ZNF385D: variants seen among roughly 807,000 people sequenced by gnomAD.
ZNF385D encodes the protein zinc finger protein 385D, also known as zinc finger protein 659.
In ZNF385D, 15 loss-of-function variants were observed where a neutral mutation model predicts 35.8. That is an observed-to-expected ratio of 0.42 (90% CI 0.28 to 0.64). The LOEUF (loss-of-function observed/expected upper bound fraction) is 0.64. Ranked by LOEUF, ZNF385D falls within the 30% of genes least tolerant of loss-of-function variation. ZNF385D has a pLI of 0.23. For synonymous variants in ZNF385D, 212 were observed against 186.8 expected, an observed-to-expected ratio of 1.13 and a Z score of -1.10; for missense variants, 474 against 494.6, an observed-to-expected ratio of 0.96 and a Z score of 0.39.
intron 5 of ZNF385D, 26 bp from the exon 6 acceptor site, chr3:21,425,696 A>G (rs760981940): frequency 6.8e-7 from 1 of 1,477,818 alleles, no homozygotes; most frequent in Non-Finnish European, 9.1e-7. Context: ...AAATGAAGGA[A>G]GGAAAGGAGG....
intron 2 of ZNF385D, among the ~76,000 whole-genome samples, chr3:22,215,937 C>T (rs112832957): frequency 5.9e-5 from 9 of 152,062 alleles, no homozygotes; most frequent in South Asian, 2.1e-4. Context: ...TAGAAAAGAA[C>T]GTATGTGAAA....
At chr3:21,907,030 A>G (rs928570680) in intron 3 of ZNF385D, among the ~76,000 whole-genome samples, 3 of 152,154 alleles carry the variant, frequency 2.0e-5, no homozygotes, top group African/African-American at 7.2e-5. Context: ...CCATGTCAAT[A>G]TCACTTTCTA....
chr3:22,048,092 G>A (rs914226056), intron 3 of ZNF385D, among the ~76,000 whole-genome samples: 2 of 151,882 alleles, frequency 1.3e-5, no homozygotes, highest in East Asian at 1.9e-4. Flanking sequence ...CAGGTTATTT[G>A]TTTACTTACT....
At chr3:21,433,866 G>A (rs1039184066) in intron 5 of ZNF385D, among the ~76,000 whole-genome samples, 1 of 152,030 alleles carries the variant, frequency 6.6e-6, no homozygotes, top group Admixed American at 6.6e-5. Flanking sequence ...TACTTATCTT[G>A]TAATTGACAC....
intron 4 of ZNF385D, among the ~76,000 whole-genome samples, chr3:21,497,491 A>G (rs1313299662): frequency 1.3e-5 from 2 of 152,228 alleles, no homozygotes; most frequent in African/African-American, 2.4e-5. Context: ...GATAGATTCA[A>G]TGCTATTCCT....
chr3:22,135,351 T>C (rs1704042423), intron 3 of ZNF385D, among the ~76,000 whole-genome samples: 1 of 150,748 alleles, frequency 6.6e-6, no homozygotes, highest in East Asian at 1.9e-4. Flanking sequence ...CATACACACA[T>C]AACTTATTTT....
chr3:22,031,089 C>T (rs1215942666), intron 3 of ZNF385D, among the ~76,000 whole-genome samples: 2 of 152,224 alleles, frequency 1.3e-5, no homozygotes, highest in Non-Finnish European at 1.5e-5. Flanking sequence ...AGCAGCTCTG[C>T]CCCTGTGGCT....
At chr3:21,434,522 G>A (rs1236259502) in intron 5 of ZNF385D, among the ~76,000 whole-genome samples, 2 of 152,188 alleles carry the variant, frequency 1.3e-5, no homozygotes, top group Admixed American at 1.3e-4. Context: ...CAGTTGTTTA[G>A]TGCAGGTAAG....
chr3:22,181,511 A>G (rs944541515), intron 2 of ZNF385D, among the ~76,000 whole-genome samples: 2 of 152,052 alleles, frequency 1.3e-5, no homozygotes, highest in African/African-American at 4.8e-5. Context: ...GCTGGCGAAC[A>G]CGGTGAAACC....
chr3:21,896,476 G>A (rs1040818192), intron 3 of ZNF385D, among the ~76,000 whole-genome samples: 3 of 152,174 alleles, frequency 2.0e-5, no homozygotes, highest in Non-Finnish European at 4.4e-5. Context: ...TACCTATGGG[G>A]TACTTTAATT....
intron 3 of ZNF385D, among the ~76,000 whole-genome samples, chr3:21,916,700 A>C (rs1700207536): frequency 6.6e-6 from 1 of 152,208 alleles, no homozygotes; most frequent in African/African-American, 2.4e-5. Flanking sequence ...ATTCATACTA[A>C]ATTTTGGAAA....
chr3:21,761,540 G>A (rs2070607836), intron 3 of ZNF385D, among the ~76,000 whole-genome samples: 1 of 152,168 alleles, frequency 6.6e-6, no homozygotes, highest in South Asian at 2.1e-4. Context: ...GTGATAATGT[G>A]AGAATGAGTG....
chr3:21,547,583 T>C (rs868156778), intron 3 of ZNF385D, among the ~76,000 whole-genome samples: 6 of 152,108 alleles, frequency 3.9e-5, no homozygotes, highest in Middle Eastern at 3.4e-3. Context: ...TTCGTTCTTA[T>C]TCTAAGGGCA....
At chr3:21,722,922 C>T (rs1267442459) in intron 1 of ZNF385D, among the ~76,000 whole-genome samples, 2 of 152,150 alleles carry the variant, frequency 1.3e-5, no homozygotes, top group Admixed American at 1.3e-4. Context: ...GGGTCTATGA[C>T]CTGGTTGTCC....
intron 3 of ZNF385D, among the ~76,000 whole-genome samples, chr3:22,124,965 T>C (rs1398092180): frequency 6.6e-6 from 1 of 152,130 alleles, no homozygotes; most frequent in Non-Finnish European, 1.5e-5. Flanking sequence ...CCTGTGCTTG[T>C]GGGGTATTAT....
At chr3:22,085,986 T>A (rs1346166609) in intron 3 of ZNF385D, among the ~76,000 whole-genome samples, 5 of 152,208 alleles carry the variant, frequency 3.3e-5, no homozygotes, top group Non-Finnish European at 5.9e-5. Context: ...GAAAAGGCCT[T>A]CGACAAAATT....
intron 5 of ZNF385D, among the ~76,000 whole-genome samples, chr3:21,427,613 C>T (rs1032003297): frequency 1.3e-5 from 2 of 151,972 alleles, no homozygotes; most frequent in African/African-American, 4.8e-5. Context: ...AGATTTGGCC[C>T]CAGTAGTAGG....
intron 2 of ZNF385D, among the ~76,000 whole-genome samples, chr3:22,323,454 A>G (rs540528419): frequency 6.6e-6 from 1 of 152,302 alleles, no homozygotes; most frequent in African/African-American, 2.4e-5. Context: ...ATACACACAC[A>G]TGTAAACACA....
chr3:21,972,005 A>G (rs116519006), intron 3 of ZNF385D, among the ~76,000 whole-genome samples: 1,575 of 152,112 alleles, frequency 0.01, 27 homozygotes, highest in African/African-American at 0.036. Context: ...CAACACAATA[A>G]TAGTTGGAGA....
Sources: gnomAD v4.1 joint callset for allele counts (sites outside exome capture counted in the v4.1 genomes callset) on GRCh38, gnomAD v4.1.1 for gene constraint, MANE v1.5 for transcripts, NCBI Gene and HGNC (gene_info 2026-07-23, HGNC 2026-07-21) for gene names.